XIRP2: variants seen among roughly 807,000 people sequenced by gnomAD.
XIRP2 encodes the protein xin actin-binding repeat-containing protein 2.
Under a neutral mutation model 277.0 loss-of-function variants are expected in XIRP2, and 236 were observed. The ratio of observed to expected loss-of-function variants is 0.85; its 90% confidence interval spans 0.77 to 0.95. The LOEUF is 0.95. XIRP2 is among the 40% of genes least tolerant of loss of function. The probability of loss-of-function intolerance (pLI) is 0.00; values close to 1 mark genes in which losing one functional copy is unlikely to be tolerated. For synonymous variants in XIRP2, 1,490 were observed against 1,416.5 expected (o/e 1.05, Z -1.17); for missense variants, 4,640 against 4,157.5 (o/e 1.12, Z -3.19).
At chr2:167,004,742 G>C (rs1687463309) in intron 2 of XIRP2, among the ~76,000 whole-genome samples, 1 of 151,832 alleles carries the variant, frequency 6.6e-6, no homozygotes, top group Non-Finnish European at 1.5e-5. Flanking sequence ...TTGAAATCTA[G>C]TTAGTGCATG....
intron 3 of XIRP2, among the ~76,000 whole-genome samples, chr2:167,177,968 T>C (rs947312734): frequency 5.3e-5 from 8 of 151,806 alleles, no homozygotes; most frequent in Non-Finnish European, 1.2e-4. Flanking sequence ...GTCCATACAA[T>C]GACCGTTAAG....
chr2:167,009,687 T>G (rs1240041905), intron 2 of XIRP2, among the ~76,000 whole-genome samples: 1 of 152,044 alleles, frequency 6.6e-6, no homozygotes, highest in Non-Finnish European at 1.5e-5. Flanking sequence ...ACCAACAGTG[T>G]AAAAGTGTTC....
At chr2:167,094,805 T>G (rs557707719) in intron 2 of XIRP2, among the ~76,000 whole-genome samples, 10 of 152,342 alleles carry the variant, frequency 6.6e-5, no homozygotes, top group Non-Finnish European at 1.2e-4. Context: ...TGCGGGCTCT[T>G]TTTTGGTTCC....
At chr2:167,147,909 T>C (rs1319831715) in intron 3 of XIRP2, among the ~76,000 whole-genome samples, 1 of 152,132 alleles carries the variant, frequency 6.6e-6, no homozygotes, top group Non-Finnish European at 1.5e-5. Flanking sequence ...AAGCAGATGA[T>C]CAATCAAACC....
intron 2 of XIRP2, among the ~76,000 whole-genome samples, chr2:166,989,019 GACAA>G (rs1687098113): frequency 1.2e-5 from 1 of 83,038 alleles, no homozygotes; most frequent in Non-Finnish European, 2.1e-5. Flanking sequence ...GCAGGGCACA[GACAA>G]ACAAAAAGAC....
At chr2:167,256,511 A>T (rs144889097) in intron 10 of XIRP2, among the ~76,000 whole-genome samples, 3 of 151,666 alleles carry the variant, frequency 2.0e-5, no homozygotes, top group Admixed American at 6.6e-5. Context: ...CAGGTCTTTT[A>T]TCATGTTCTT....
intron 2 of XIRP2, 48 bp from the exon 3 acceptor site, chr2:167,135,861 T>G (rs745847664): frequency 1.3e-5 from 19 of 1,496,776 alleles, no homozygotes; most frequent in Non-Finnish European, 1.7e-5. Flanking sequence ...ACACATCTGT[T>G]TCCTACTGAT....
At chr2:167,190,535 T>C (rs1573944426) in intron 3 of XIRP2, among the ~76,000 whole-genome samples, 1 of 152,210 alleles carries the variant, frequency 6.6e-6, no homozygotes, top group East Asian at 1.9e-4. Flanking sequence ...TATGGTCTTC[T>C]CCTTTGACAT....
chr2:166,977,830 A>T (rs1407568719), intron 2 of XIRP2, among the ~76,000 whole-genome samples: 3 of 152,194 alleles, frequency 2.0e-5, no homozygotes, highest in Non-Finnish European at 4.4e-5. Context: ...TAGGGTATCA[A>T]GTAATATACT....
chr2:167,058,021 ATTATTTTATTTTATTTTATT>A lies in XIRP2; in HGVS notation c.409-77850_409-77831del, dbSNP rs370711918. Among the ~76,000 whole-genome samples, 173 of 136,838 alleles carry A rather than the reference ATTATTTTATTTTATTTTATT, an allele frequency of 1.3e-3. 1 individual carries two copies. The highest frequency in any genetic ancestry group is 0.01 in the South Asian group (43 of 4,234). 89.8% of individuals were successfully genotyped at this position (136,838 alleles called of 152,430 possible). On this transcript the variant is annotated intron_variant, in intron 2 of 10. Transcript: ENST00000409195. ...TATGCATGTTTTATTTTATTTTATA[ATTATTTTATTTTATTTTATT>A]TTATTTTATTTTATTTTATTTTATT... is the stretch of plus-strand genomic sequence containing the variant.
intron 3 of XIRP2, among the ~76,000 whole-genome samples, chr2:167,187,072 C>T (rs1032146914): frequency 6.6e-5 from 10 of 152,026 alleles, no homozygotes; most frequent in African/African-American, 9.7e-5. Flanking sequence ...CAAGTAATTC[C>T]GGAACTTTAA....
At chr2:167,165,989 A>T (rs1436757427) in intron 3 of XIRP2, among the ~76,000 whole-genome samples, 1 of 152,130 alleles carries the variant, frequency 6.6e-6, no homozygotes, top group East Asian at 1.9e-4. Context: ...TAGGTCCGTG[A>T]TCCATTAGAA....
rs199641668 is a variant in XIRP2, at chr2:167,239,979, A to C, written c.969+14A>C. 1.4e-4 allele frequency: 216 copies of C among 1,579,512 alleles called. No homozygotes were observed. In the African/African-American group the frequency reaches 2.6e-3, roughly 19 times the overall value. ...GGAACAGAAATGGTAACTATTTAGA[A>C]AGGCAGTACTTTCAAACAGTTTCCA... is the stretch of plus-strand genomic sequence containing the variant. On this transcript the variant is annotated intron_variant, in intron 6 of 10. Coordinates refer to ENST00000409195, the MANE Select transcript of XIRP2 (RefSeq NM_152381.6).
chr2:167,087,479 G>A (rs1305659946), intron 2 of XIRP2, among the ~76,000 whole-genome samples: 1 of 152,216 alleles, frequency 6.6e-6, no homozygotes, highest in Non-Finnish European at 1.5e-5. Flanking sequence ...CCCAGTTCGA[G>A]CTTCCCGGCT....
At chr2:167,174,791 T>C (rs1040626650) in intron 3 of XIRP2, among the ~76,000 whole-genome samples, 2 of 152,228 alleles carry the variant, frequency 1.3e-5, no homozygotes, top group African/African-American at 4.8e-5. Context: ...GAGTCTTTGT[T>C]CTCACTAGTT....
chr2:167,135,827 T>G, intron 2 of XIRP2, 82 bp from the exon 3 acceptor site: 2 of 1,297,178 alleles, frequency 1.5e-6, no homozygotes, highest in Non-Finnish European at 2.0e-6. Context: ...CTCTTTCATT[T>G]CTGCCTTCTA....
chr2:166,978,348 G>C (rs1686770787), intron 2 of XIRP2, among the ~76,000 whole-genome samples: 1 of 151,970 alleles, frequency 6.6e-6, no homozygotes, highest in South Asian at 2.1e-4. Context: ...TTCAAGATTG[G>C]TTTGAATATT....
At chr2:167,171,606 A>G (rs1692691781) in intron 3 of XIRP2, among the ~76,000 whole-genome samples, 1 of 152,210 alleles carries the variant, frequency 6.6e-6, no homozygotes, top group African/African-American at 2.4e-5. Context: ...AGTTTTCTAC[A>G]TATTCACCGA....
In XIRP2 at chr2:167,239,949, T is replaced by C. The variant is rs1328183882; in HGVS notation, c.953T>C (p.Val318Ala). Residue 318 changes from valine to alanine, a missense_variant, in exon 6 of 11, where the codon GTT becomes GCT. Transcript: ENST00000409195. ...GGGTCCAAAGTACAGAAAATTGATG[T>C]TCATGGAACAGAAATGGTAACTATT... is the stretch of plus-strand genomic sequence containing the variant. Reference protein sequence around the residue: ...QEGSKVQKIDVHGTEMVSHLE... With the variant: ...QEGSKVQKIDAHGTEMVSHLE... The C allele has an allele frequency of 8.1e-6, 13 of 1,599,066 alleles. No individual in the cohort carries two copies. Among genetic ancestry groups the C allele is most frequent in the Non-Finnish European group, 1.1e-5 (13 of 1,176,276 alleles).
Sources: allele counts gnomAD v4.1 joint callset (sites outside exome capture counted in the v4.1 genomes callset), GRCh38; gene constraint gnomAD v4.1.1; transcripts MANE v1.5; gene names NCBI Gene and HGNC (gene_info 2026-07-23, HGNC 2026-07-21).